NEFM: variants seen among roughly 807,000 people sequenced by gnomAD.
NEFM encodes neurofilament medium chain, also known as neurofilament medium polypeptide.
Under a neutral mutation model 48.1 loss-of-function variants are expected in NEFM, and 16 were observed. The ratio of observed to expected loss-of-function variants is 0.33; its 90% confidence interval spans 0.23 to 0.51. NEFM has a LOEUF of 0.51. Among genes scored for constraint, NEFM ranks in the 20% least tolerant of loss-of-function variants. The pLI is 0.98. For missense variants in NEFM, 1,107 were observed against 1,136.0 expected (o/e 0.97, Z 0.37); for synonymous variants, 465 against 456.9 (o/e 1.02, Z -0.23).
At chr8:24,917,001 A>G in intron 2 of NEFM, 60 bp from the exon 3 acceptor site, 1 of 1,346,854 alleles carries the variant, frequency 7.4e-7, no homozygotes, top group Admixed American at 1.7e-5. Flanking sequence ...GAATGTAATG[A>G]AGCTCAGAAG....
chr8:24,917,935 G>T lies in NEFM; in HGVS notation c.2080G>T (p.Ala694Ser). The T allele has an allele frequency of 6.2e-7, 1 of 1,614,156 alleles. No individual in the cohort carries two copies. The highest frequency in any genetic ancestry group is 8.5e-7 in the Non-Finnish European group (1 of 1,180,034). ...ACCAGTGGAAGAGGCAAAGTCAAAA[G>T]CAGAAGTGGGGAAAGGTGAACAGAA... ...KSPVEEAKSK[A>S]EVGKGEQKEE... is the part of the protein sequence containing the mutation. The change falls in exon 3 of 3, where the codon GCA becomes TCA. Residue 694 changes from alanine (A) to serine (S), a missense_variant. Coordinates refer to ENST00000221166, the MANE Select transcript of NEFM (RefSeq NM_005382.2).
Position 24,918,618 on chromosome 8 carries a change from A to C in NEFM, c.*12A>C, listed in dbSNP as rs1186816538. 6.3e-7 allele frequency: 1 copy of C among 1,579,756 alleles called. No homozygotes were observed. Among genetic ancestry groups the C allele is most frequent in the East Asian group, 2.2e-5 (1 of 44,738 alleles). ...CCCAGAGTGACTAAGATTTGAGTCC[A>C]TTGCAAAAGGTTAAGCCATATGACA... On this transcript the variant is annotated 3_prime_UTR_variant, in exon 3 of 3. Transcript: ENST00000221166.
In NEFM at chr8:24,918,369, A is replaced by G; in HGVS notation, c.2514A>G (p.Pro838=). 1 of 1,614,170 alleles carries G rather than the reference A, an allele frequency of 6.2e-7. No individual in the cohort carries two copies. Among genetic ancestry groups the G allele is most frequent in the Non-Finnish European group, 8.5e-7 (1 of 1,180,038 alleles). ...GVVTNGLDLS[P]ADEKKGGDKS... is the part of the protein sequence containing the mutation. The stretch of plus-strand genomic sequence containing the variant: ...TCACCAATGGCCTAGACTTGAGCCC[A>G]GCAGATGAAAAGAAGGGGGGTGATA... The change falls in exon 3 of 3, where the codon CCA becomes CCG. Residue 838 remains proline, a synonymous_variant. Coordinates refer to ENST00000221166, the MANE Select transcript of NEFM (RefSeq NM_005382.2).
chr8:24,917,326 G>C lies in NEFM; in HGVS notation c.1471G>C (p.Ala491Pro). ...AVSMKEEKKEAAEEKEEEPEA... is the reference protein window; with the variant it reads ...AVSMKEEKKEPAEEKEEEPEA... ...TTCCATGAAGGAAGAGAAGAAAGAA[G>C]CAGCAGAAGAAAAGGAAGAGGAACC... The change falls in exon 3 of 3, where the codon GCA (alanine) becomes CCA (proline). Residue 491 changes from alanine (A) to proline (P), a missense_variant. This residue lies in a region of NEFM where 917 missense variants were observed against 916.4 expected (regional missense o/e 1.00). Coordinates refer to ENST00000221166, the MANE Select transcript of NEFM (RefSeq NM_005382.2). 1 of 1,613,400 alleles carries C rather than the reference G, an allele frequency of 6.2e-7. No homozygotes were observed. Among genetic ancestry groups the C allele is most frequent in the Non-Finnish European group, 8.5e-7 (1 of 1,179,700 alleles).
chr8:24,913,928 C>T lies in NEFM; in HGVS notation c.135C>T (p.Pro45=), dbSNP rs761279758. The change falls in exon 1 of 3, where the codon CCC becomes CCT. Residue 45 remains proline, a synonymous_variant. Coordinates refer to ENST00000221166, the MANE Select transcript of NEFM (RefSeq NM_005382.2). ...CGCAGTCGTGGTCCCGCGGCTCGCC[C>T]AGCACCGTGTCCTCCTCCTATAAGC... ...FRSQSWSRGS[P]STVSSSYKRS... The T allele has an allele frequency of 4.3e-6, 7 of 1,611,478 alleles. No individual in the cohort carries two copies. Among genetic ancestry groups the T allele is most frequent in the Middle Eastern group, 3.3e-4 (2 of 6,056 alleles).
At position 24,914,872 on chromosome 8, in the gene NEFM, A is replaced by G. The variant is rs1469992744; in HGVS notation, c.1079A>G (p.Gln360Arg). Residue 360 changes from glutamine to arginine, a missense_variant and splice_region_variant, in exon 1 of 3, where the codon CAG (glutamine) becomes CGG (arginine). Transcript: ENST00000221166. Reference protein sequence around the residue: ...ERHNHDLSSYQDTIQQLENEL... With the variant: ...ERHNHDLSSYRDTIQQLENEL... ...CACAACCACGACCTCAGCAGCTACC[A>G]GGTAGGAACCGCGGCTGCGCGGCCA... is the stretch of plus-strand genomic sequence containing the variant. 3.8e-6 allele frequency: 6 copies of G among 1,588,188 alleles called. No homozygotes were observed. Among genetic ancestry groups the G allele is most frequent in the Non-Finnish European group, 5.1e-6 (6 of 1,169,520 alleles).
chr8:24,916,796 G>C (rs1802580327), intron 2 of NEFM, among the ~76,000 whole-genome samples: 1 of 152,182 alleles, frequency 6.6e-6, no homozygotes, highest in African/African-American at 2.4e-5. Flanking sequence ...AGACTTAGTA[G>C]CTGGGTGTGG....
chr8:24,914,617 C>A lies in NEFM; in HGVS notation c.824C>A (p.Ser275Tyr), dbSNP rs1377764405. Residue 275 changes from serine (S) to tyrosine (Y), a missense_variant, in exon 1 of 3, where the codon TCC becomes TAC. By Grantham distance (144) the Ser-to-Tyr change is moderately radical. Coordinates refer to ENST00000221166, the MANE Select transcript of NEFM (RefSeq NM_005382.2). ...TCGACGGCGCTGAAGGAAATCCGCTCCCAGCTCGAAAGCCACTCAGACCAG... is the reference window on the plus strand; with the variant it reads ...TCGACGGCGCTGAAGGAAATCCGCTACCAGCTCGAAAGCCACTCAGACCAG... Reference protein sequence around the residue: ...DISTALKEIRSQLESHSDQNM... With the variant: ...DISTALKEIRYQLESHSDQNM... 1.2e-5 allele frequency: 20 copies of A among 1,614,080 alleles called. No individual in the cohort carries two copies. The highest frequency in any genetic ancestry group is 1.6e-5 in the Non-Finnish European group (19 of 1,180,056).
Position 24,914,431 on chromosome 8 carries a change from C to T in NEFM, c.638C>T (p.Ala213Val). ...GCGCTGCGCAAAGACATCGAGGAGG[C>T]GTCGCTGGTCAAGGTGGAGCTGGAC... ...IRALRKDIEE[A>V]SLVKVELDKK... Residue 213 changes from alanine to valine, a missense_variant, in exon 1 of 3, where the codon GCG becomes GTG. By Grantham distance (64) the Ala-to-Val change is moderately conservative (BLOSUM62 0). Around this residue, in one of 3 missense-constraint regions of NEFM, gnomAD observed 917 missense variants for 916.4 expected, o/e 1.00. Coordinates refer to ENST00000221166, the MANE Select transcript of NEFM (RefSeq NM_005382.2). 2 of 1,613,650 alleles carry T rather than the reference C, an allele frequency of 1.2e-6. No individual in the cohort carries two copies. Among genetic ancestry groups the T allele is most frequent in the Non-Finnish European group, 1.7e-6 (2 of 1,180,004 alleles).
Position 24,918,442 on chromosome 8 carries a change from A to G in NEFM, c.2587A>G (p.Ser863Gly). ...GACCAAAACGGTAGAAAAAATCACC[A>G]GTGAGGGGGGAGATGGTGCTACCAA... is the stretch of plus-strand genomic sequence containing the variant. Reference protein sequence around the residue: ...VVTKTVEKITSEGGDGATKYI... With the variant: ...VVTKTVEKITGEGGDGATKYI... Residue 863 changes from serine (S) to glycine (G), a missense_variant, in exon 3 of 3, where the codon AGT (serine) becomes GGT (glycine). Physicochemically the swap from Ser to Gly is moderately conservative, Grantham distance 56 (BLOSUM62 0). Transcript: ENST00000221166. The G allele has an allele frequency of 6.2e-7, 1 of 1,614,166 alleles. No individual in the cohort carries two copies. Among genetic ancestry groups the G allele is most frequent in the Non-Finnish European group, 8.5e-7 (1 of 1,180,020 alleles).
At chr8:24,916,840 G>A (rs945038035) in intron 2 of NEFM, among the ~76,000 whole-genome samples, 1 of 152,192 alleles carries the variant, frequency 6.6e-6, no homozygotes, top group Non-Finnish European at 1.5e-5. Flanking sequence ...AGTCATTGTA[G>A]GGGGCAACTG....
chr8:24,917,372 T>G lies in NEFM; in HGVS notation c.1517T>G (p.Val506Gly). Residue 506 changes from valine to glycine, a missense_variant, in exon 3 of 3, where the codon GTA becomes GGA. By Grantham distance (109) the Val-to-Gly change is moderately radical (BLOSUM62 -3). Transcript: ENST00000221166. ...EEEPEAEEEE[V>G]AAKKSPVKAT... ...GAACCCGAAGCTGAAGAAGAAGAAG[T>G]AGCTGCCAAAAAGTCTCCAGTGAAA... 1.3e-6 allele frequency: 2 copies of G among 1,589,054 alleles called. No homozygotes were observed. Among genetic ancestry groups the G allele is most frequent in the Non-Finnish European group, 1.7e-6 (2 of 1,167,286 alleles).
In NEFM at chr8:24,914,213, G is replaced by C; in HGVS notation, c.420G>C (p.Gln140His). 6.2e-7 allele frequency: 1 copy of C among 1,610,852 alleles called. No individual in the cohort carries two copies. The highest frequency in any genetic ancestry group is 8.5e-7 in the Non-Finnish European group (1 of 1,178,744). The change falls in exon 1 of 3, where the codon CAG becomes CAC. Residue 140 changes from glutamine (Q) to histidine (H), a missense_variant. Gln to His is a conservative substitution (Grantham distance 24, BLOSUM62 0). Coordinates refer to ENST00000221166, the MANE Select transcript of NEFM (RefSeq NM_005382.2). ...EAEIQALRQK[Q>H]ASHAQLGDAY... ...AGATCCAGGCGCTGCGGCAGAAGCA[G>C]GCCTCGCACGCCCAGCTGGGCGACG...
chr8:24,916,259 T>C (rs1802571258), intron 2 of NEFM, among the ~76,000 whole-genome samples: 1 of 152,180 alleles, frequency 6.6e-6, no homozygotes, highest in African/African-American at 2.4e-5. Flanking sequence ...TGCTAGACTG[T>C]AGTATAAATT....
chr8:24,914,636 A>G lies in NEFM; in HGVS notation c.843A>G (p.Ser281=). The G allele has an allele frequency of 1.9e-6, 3 of 1,614,216 alleles. No homozygotes were observed. The highest frequency in any genetic ancestry group is 2.5e-6 in the Non-Finnish European group (3 of 1,180,040). ...KEIRSQLESH[S]DQNMHQAEEW... ...TCCGCTCCCAGCTCGAAAGCCACTC[A>G]GACCAGAATATGCACCAGGCCGAAG... The change falls in exon 1 of 3, where the codon TCA becomes TCG. Residue 281 remains serine, a synonymous_variant. Coordinates refer to ENST00000221166, the MANE Select transcript of NEFM (RefSeq NM_005382.2).
chr8:24,918,212 A>C lies in NEFM; in HGVS notation c.2357A>C (p.Glu786Ala). 1 of 1,555,154 alleles carries C rather than the reference A, an allele frequency of 6.4e-7. No homozygotes were observed. Among genetic ancestry groups the C allele is most frequent in the African/African-American group, 1.4e-5 (1 of 73,104 alleles). Residue 786 changes from glutamate to alanine, a missense_variant, in exon 3 of 3, where the codon GAA becomes GCA. This residue lies in a region of NEFM where 917 missense variants were observed against 916.4 expected (regional missense o/e 1.00). Transcript: ENST00000221166. ...KAGGEGGSEE[E>A]GSDKGAKGSR... Reference sequence around the variant, plus strand: ...GGAGGAGAGGGAGGAAGTGAGGAGGAAGGGAGTGATAAAGGTGCCAAGGGA... The same window carrying C: ...GGAGGAGAGGGAGGAAGTGAGGAGGCAGGGAGTGATAAAGGTGCCAAGGGA...
Position 24,914,884 on chromosome 8 carries a change from CG to C in NEFM, c.1080+13del, listed in dbSNP as rs1802549259. On this transcript the variant is annotated intron_variant, in intron 1 of 2. Coordinates refer to ENST00000221166, the MANE Select transcript of NEFM (RefSeq NM_005382.2). Reference sequence around the variant, plus strand: ...CTCAGCAGCTACCAGGTAGGAACCGCGGCTGCGCGGCCAGCCTGCGCCAGCG... The same window carrying C: ...CTCAGCAGCTACCAGGTAGGAACCGCGCTGCGCGGCCAGCCTGCGCCAGCG... The C allele has an allele frequency of 6.3e-7, 1 of 1,576,012 alleles. No homozygotes were observed. Among genetic ancestry groups the C allele is most frequent in the Non-Finnish European group, 8.6e-7 (1 of 1,164,600 alleles).
chr8:24,917,033 G>C, intron 2 of NEFM, 28 bp from the exon 3 acceptor site: 3 of 1,603,928 alleles, frequency 1.9e-6, no homozygotes, highest in Non-Finnish European at 2.6e-6. Context: ...TTTTTACTAT[G>C]TCTTATGTTC....
In NEFM at chr8:24,918,802, T is replaced by G; in HGVS notation, c.*196T>G. On this transcript the variant is annotated 3_prime_UTR_variant, in exon 3 of 3. Coordinates refer to ENST00000221166, the MANE Select transcript of NEFM (RefSeq NM_005382.2). ...GGGGATTCAAATGCATGATATTGTA[T>G]GTACCTGGGAAATTTGCCGATTTCC... The G allele has an allele frequency of 1.7e-6, 1 of 591,048 alleles. No individual in the cohort carries two copies. The highest frequency in any genetic ancestry group is 2.9e-5 in the East Asian group (1 of 34,062). The allele number at this position is 591,048 out of a possible 1,614,324, so 36.6% of individuals were successfully genotyped here.
Sources: allele counts gnomAD v4.1 joint callset (sites outside exome capture counted in the v4.1 genomes callset), GRCh38; gene constraint gnomAD v4.1.1; regional missense constraint gnomAD v4.1.1; transcripts MANE v1.5; gene names NCBI Gene and HGNC (gene_info 2026-07-23, HGNC 2026-07-21).